ANO2: variants seen among roughly 807,000 people sequenced by gnomAD.
The protein encoded by ANO2 is anoctamin-2.
A neutral mutation model predicts 124.2 loss-of-function variants in ANO2; 101 were observed. The observed-to-expected ratio is 0.81, with a 90% CI of 0.69 to 0.96. The LOEUF (loss-of-function observed/expected upper bound fraction) is 0.96, where lower values mean the gene tolerates loss of function less well. ANO2 is among the 40% of genes least tolerant of loss of function. The probability of loss-of-function intolerance (pLI) is 0.00; values close to 1 mark genes in which losing one functional copy is unlikely to be tolerated. For missense variants in ANO2, 1,293 were observed against 1,274.5 expected, an observed-to-expected ratio of 1.01 and a Z score of -0.22; for synonymous variants, 486 against 482.5, an observed-to-expected ratio of 1.01 and a Z score of -0.09.
chr12:5,851,474 T>A (rs1954901123), intron 4 of ANO2, among the ~76,000 whole-genome samples: 1 of 151,674 alleles, frequency 6.6e-6, no homozygotes. Context: ...GATCATGAGA[T>A]CAGAAATTCG....
intron 15 of ANO2, among the ~76,000 whole-genome samples, chr12:5,640,950 A>G (rs1039900502): frequency 6.6e-6 from 1 of 152,244 alleles, no homozygotes; most frequent in Non-Finnish European, 1.5e-5. Context: ...CACTATTCAC[A>G]ACAGCAAAGA....
chr12:5,711,829 T>A (rs1172706734), intron 14 of ANO2, among the ~76,000 whole-genome samples: 1 of 152,212 alleles, frequency 6.6e-6, no homozygotes, highest in Non-Finnish European at 1.5e-5. Flanking sequence ...TCCAAGGCCC[T>A]CCTTTGGATA....
intron 14 of ANO2, among the ~76,000 whole-genome samples, chr12:5,721,542 G>A (rs929834354): frequency 2.2e-4 from 33 of 147,706 alleles, no homozygotes; most frequent in African/African-American, 7.8e-4. Flanking sequence ...GACTCGCTTT[G>A]TCACCCAGGT....
rs996465227 is a variant in ANO2 at position 5,584,878 on chromosome 12, C to T, written c.2234-6360G>A. Among the ~76,000 whole-genome samples, 7 of 152,318 alleles carry T rather than the reference C, an allele frequency of 4.6e-5. No homozygotes were observed. The South Asian group carries it at 1.5e-3, about 32-fold the overall frequency. On this transcript the variant is annotated intron_variant, in intron 20 of 24. Coordinates refer to ENST00000682330, the MANE Select transcript of ANO2 (RefSeq NM_001364791.2). ...CTCAACGTCCATCACTCACCATCCA[C>T]TCACTCATGCATTCATTCAGCAAGC...
intron 14 of ANO2, among the ~76,000 whole-genome samples, chr12:5,724,264 TAAG>T (rs1950345814): frequency 6.6e-6 from 1 of 152,250 alleles, no homozygotes; most frequent in Admixed American, 6.5e-5. Flanking sequence ...CGAGAAACCC[TAAG>T]AAGAGGCTGC....
At chr12:5,745,066 T>A (rs1169749074) in intron 11 of ANO2, among the ~76,000 whole-genome samples, 1 of 152,216 alleles carries the variant, frequency 6.6e-6, no homozygotes, top group African/African-American at 2.4e-5. Flanking sequence ...TTCCAACCTA[T>A]TCTTAGTGTA....
chr12:5,834,347 G>A (rs1454236771), intron 4 of ANO2, among the ~76,000 whole-genome samples: 1 of 152,164 alleles, frequency 6.6e-6, no homozygotes, highest in Non-Finnish European at 1.5e-5. Context: ...ATGCAGAGGG[G>A]CAGTAAGACT....
intron 3 of ANO2, among the ~76,000 whole-genome samples, chr12:5,883,131 T>C (rs192523062): frequency 4.0e-5 from 6 of 149,916 alleles, no homozygotes; most frequent in Admixed American, 4.0e-4. Flanking sequence ...CAGCCTAAAA[T>C]CTCATGAGTG....
chr12:5,731,452 G>T (rs1950632643), intron 14 of ANO2, among the ~76,000 whole-genome samples: 2 of 152,006 alleles, frequency 1.3e-5, no homozygotes, highest in African/African-American at 4.8e-5. Context: ...AACATGAATG[G>T]TTCCAACTTA....
intron 22 of ANO2, 43 bp downstream of exon 22, chr12:5,577,911 AG>A: frequency 1.3e-6 from 2 of 1,589,736 alleles, no homozygotes; most frequent in Non-Finnish European, 1.7e-6. Context: ...CTTCTCTGGA[AG>A]CCCTTCCCAC....
At chr12:5,781,383 G>A (rs1462078919) in intron 10 of ANO2, among the ~76,000 whole-genome samples, 1 of 152,142 alleles carries the variant, frequency 6.6e-6, no homozygotes, top group Non-Finnish European at 1.5e-5. Context: ...GGTGCCCCAG[G>A]CTAAGCCACT....
At chr12:5,901,661 C>T (rs973485298) in intron 3 of ANO2, among the ~76,000 whole-genome samples, 3 of 151,960 alleles carry the variant, frequency 2.0e-5, no homozygotes, top group African/African-American at 7.3e-5. Flanking sequence ...TTGCAGGAGA[C>T]GAGAGATGGA....
At chr12:5,918,281 A>G (rs1193954376) in intron 3 of ANO2, among the ~76,000 whole-genome samples, 1 of 152,220 alleles carries the variant, frequency 6.6e-6, no homozygotes, top group Non-Finnish European at 1.5e-5. Context: ...TAACCCAGGA[A>G]GAATGTCTTC....
At chr12:5,926,639 G>GA (rs981737657) in intron 1 of ANO2, among the ~76,000 whole-genome samples, 6 of 152,176 alleles carry the variant, frequency 3.9e-5, no homozygotes, top group African/African-American at 1.4e-4. Flanking sequence ...TAGGGACCCA[G>GA]AAAATCCAAA....
At chr12:5,581,367 T>C (rs535123388) in intron 20 of ANO2, among the ~76,000 whole-genome samples, 2 of 152,222 alleles carry the variant, frequency 1.3e-5, no homozygotes, top group African/African-American at 4.8e-5. Flanking sequence ...GAAGGGCAGT[T>C]TACTTCTGAG....
intron 14 of ANO2, among the ~76,000 whole-genome samples, chr12:5,691,119 G>A (rs1336440408): frequency 6.6e-6 from 1 of 151,974 alleles, no homozygotes; most frequent in Admixed American, 6.6e-5. Context: ...CACGAGGTCA[G>A]GAGCTTGAGA....
At chr12:5,909,510 C>G (rs753633868) in intron 3 of ANO2, among the ~76,000 whole-genome samples, 3 of 152,186 alleles carry the variant, frequency 2.0e-5, no homozygotes, top group Non-Finnish European at 4.4e-5. Context: ...GAATAGAAGT[C>G]GAGATCCAGA....
rs1555137018 is a variant in ANO2, at chr12:5,694,251, C to CAGACAGAGAGAGAG, written c.1545+38268_1545+38269insCTCTCTCTCTGTCT. Among the ~76,000 whole-genome samples the CAGACAGAGAGAGAG allele has an allele frequency of 8.4e-4, 112 of 133,962 alleles. 1 individual carries two copies. The highest frequency in any genetic ancestry group is 3.0e-3 in the African/African-American group (104 of 34,120). The allele number at this position is 133,962 out of a possible 152,430, so 87.9% of individuals were successfully genotyped here. A position where few individuals can be genotyped will look rare whatever the true frequency, so the allele number is the denominator to read the frequency against. On this transcript the variant is annotated intron_variant, in intron 14 of 24. Transcript: ENST00000682330. ...CCTTAGCAGAAGGGTTTACCAGAGA[C>CAGACAGAGAGAGAG]AGAGAGAGAGAGAGAGAGAGAGAGA...
intron 10 of ANO2, among the ~76,000 whole-genome samples, chr12:5,790,411 G>A (rs947995505): frequency 2.0e-5 from 3 of 151,964 alleles, no homozygotes; most frequent in Non-Finnish European, 2.9e-5. Context: ...GCTCAGCCCC[G>A]GTGCTTTCTT....
Sources: gnomAD v4.1 joint callset for allele counts (sites outside exome capture counted in the v4.1 genomes callset) on GRCh38, gnomAD v4.1.1 for gene constraint, MANE v1.5 for transcripts, NCBI Gene and HGNC (gene_info 2026-07-23, HGNC 2026-07-21) for gene names.